Variants in MAN2A1 observed in about 807,000 individuals in gnomAD.
MAN2A1 encodes the protein mannosidase alpha class 2A member 1.
In MAN2A1, 76 loss-of-function variants were observed where a neutral mutation model predicts 142.6. That is an observed-to-expected ratio of 0.53 (90% CI 0.44 to 0.65). The LOEUF (loss-of-function observed/expected upper bound fraction) is 0.65. Ranked by LOEUF, MAN2A1 falls within the 30% of genes least tolerant of loss-of-function variation. MAN2A1 has a pLI of 0.00. For missense variants in MAN2A1, 1,311 were observed against 1,365.1 expected (o/e 0.96, Z 0.62); for synonymous variants, 559 against 473.2 (o/e 1.18, Z -2.35).
rs2112650570 is a variant in MAN2A1 at position 109,770,353 on chromosome 5, A to T, written c.1010-2A>T. On this transcript the variant is annotated splice_acceptor_variant, in intron 6 of 21. Coordinates refer to ENST00000261483, the MANE Select transcript of MAN2A1 (RefSeq NM_002372.4). LOFTEE classifies it high-confidence loss of function. ...GGTTTGTGTGTTGGCTCTTTATTTTAGATCTGGGATCTGTCACAGATATTT... is the reference window on the plus strand; with the variant it reads ...GGTTTGTGTGTTGGCTCTTTATTTTTGATCTGGGATCTGTCACAGATATTT... 1 of 1,608,854 alleles carries T rather than the reference A, an allele frequency of 6.2e-7. No individual in the cohort carries two copies. The highest frequency in any genetic ancestry group is 1.7e-5 in the Admixed American group (1 of 58,914).
At chr5:109,799,801 A>G (rs1429500083) in intron 12 of MAN2A1, among the ~76,000 whole-genome samples, 1 of 150,158 alleles carries the variant, frequency 6.7e-6, no homozygotes, top group East Asian at 2.0e-4. Flanking sequence ...AAAAATCTCC[A>G]ATCTTGGCCG....
At chr5:109,764,288 G>A (rs1240285821) in intron 5 of MAN2A1, among the ~76,000 whole-genome samples, 2 of 152,056 alleles carry the variant, frequency 1.3e-5, no homozygotes, top group Admixed American at 6.5e-5. Flanking sequence ...ATTGACTGAT[G>A]TTAATTCTTC....
rs561688741 is a variant in MAN2A1, at chr5:109,830,280, T to C, written c.2566+6443T>C. ...TCCTTAGTTTTGCCTCTAAGCAAAC[T>C]AGAGGAGTATGGGTTTGTCCTTTAA... is the stretch of plus-strand genomic sequence containing the variant. On this transcript the variant is annotated intron_variant, in intron 16 of 21. Coordinates refer to ENST00000261483, the MANE Select transcript of MAN2A1 (RefSeq NM_002372.4). 5.9e-5 allele frequency among the ~76,000 whole-genome samples: 9 copies of C among 152,352 alleles called. No homozygotes were observed. The South Asian group carries it at 1.7e-3, about 28-fold the overall frequency.
At chr5:109,801,150 C>T (rs1754018482) in intron 12 of MAN2A1, among the ~76,000 whole-genome samples, 1 of 152,166 alleles carries the variant, frequency 6.6e-6, no homozygotes, top group Non-Finnish European at 1.5e-5. Context: ...AGTTTCAAGG[C>T]AGGTAGTTAG....
chr5:109,842,806 G>GTTTTTTGTTTTTTTTTTTTTTTTTT, intron 17 of MAN2A1, among the ~76,000 whole-genome samples: 1 of 116,184 alleles, frequency 8.6e-6, no homozygotes, highest in African/African-American at 3.3e-5. Flanking sequence ...TACTTATTGG[G>GTTTTTTGTTTTTTTTTTTTTTTTTT]TTTTTTTTTT....
chr5:109,803,159 T>G (rs1754076838), intron 12 of MAN2A1, among the ~76,000 whole-genome samples: 1 of 152,078 alleles, frequency 6.6e-6, no homozygotes, highest in Admixed American at 6.6e-5. Context: ...TAATTTAGTC[T>G]GCTATGATTT....
chr5:109,810,757 C>A (rs774728910), intron 12 of MAN2A1, among the ~76,000 whole-genome samples: 2 of 152,148 alleles, frequency 1.3e-5, no homozygotes, highest in Non-Finnish European at 2.9e-5. Context: ...TTTTTCCTCT[C>A]TTCAGCAGTT....
rs1165100130 is a variant in MAN2A1 at position 109,742,373 on chromosome 5, C to T, written c.707+12860C>T. 2.6e-5 allele frequency among the ~76,000 whole-genome samples: 4 copies of T among 152,146 alleles called. No individual in the cohort carries two copies. In the East Asian group the frequency reaches 7.7e-4, roughly 29 times the overall value. On this transcript the variant is annotated intron_variant, in intron 4 of 21. Coordinates refer to ENST00000261483, the MANE Select transcript of MAN2A1 (RefSeq NM_002372.4). The stretch of plus-strand genomic sequence containing the variant: ...AGTTAGTATAGATTTTTTATCTTCA[C>T]CAAATTGGTGGGTTTCATTGCTTTA...
chr5:109,833,301 T>A (rs1488192371), intron 16 of MAN2A1, among the ~76,000 whole-genome samples: 1 of 151,948 alleles, frequency 6.6e-6, no homozygotes. Context: ...CTCGGCACTT[T>A]GGGAGGCCAA....
intron 8 of MAN2A1, among the ~76,000 whole-genome samples, 195 bp downstream of exon 8, chr5:109,775,160 C>G (rs754816932): frequency 2.6e-5 from 4 of 152,110 alleles, no homozygotes; most frequent in Non-Finnish European, 4.4e-5. Context: ...TGTCCCGTTC[C>G]TAACACTCCT....
intron 1 of MAN2A1, among the ~76,000 whole-genome samples, chr5:109,695,072 TC>T (rs1750775581): frequency 6.6e-6 from 1 of 152,210 alleles, no homozygotes; most frequent in African/African-American, 2.4e-5. Context: ...GAGGATGGTG[TC>T]CTCTAACTCC....
intron 15 of MAN2A1, among the ~76,000 whole-genome samples, chr5:109,822,217 A>G (rs1044830933): frequency 2.0e-5 from 3 of 148,044 alleles, no homozygotes; most frequent in Non-Finnish European, 3.0e-5. Context: ...ACAAACTACA[A>G]CTCATATGAG....
At chr5:109,730,002 A>T (rs2112584668) in intron 4 of MAN2A1, among the ~76,000 whole-genome samples, 1 of 152,264 alleles carries the variant, frequency 6.6e-6, no homozygotes, top group South Asian at 2.1e-4. Context: ...GGGGGAAAAA[A>T]ATCCTATGTT....
chr5:109,690,584 G>A (rs775989848), intron 1 of MAN2A1, 32 bp downstream of exon 1: 9 of 1,559,966 alleles, frequency 5.8e-6, no homozygotes, highest in South Asian at 1.2e-5. Context: ...GCGGGGCTCC[G>A]AGGGGCCAGG....
At chr5:109,814,265 T>C (rs1754395106) in intron 12 of MAN2A1, among the ~76,000 whole-genome samples, 1 of 152,210 alleles carries the variant, frequency 6.6e-6, no homozygotes, top group South Asian at 2.1e-4. Context: ...TATTATGATA[T>C]ACTGAAACCT....
In MAN2A1 at chr5:109,729,366, A is replaced by G. The variant is rs779149225; in HGVS notation, c.560A>G (p.Tyr187Cys). ...GGTTGGTTGAAGACTTTCAATGACT[A>G]CTTTAGAGACAAGACTCAGTATATT... ...DPGWLKTFND[Y>C]FRDKTQYIFN... Residue 187 changes from tyrosine (Y) to cysteine (C), a missense_variant, in exon 4 of 22, where the codon TAC becomes TGC. Transcript: ENST00000261483. 4 of 1,605,216 alleles carry G rather than the reference A, an allele frequency of 2.5e-6. No individual in the cohort carries two copies. Among genetic ancestry groups the G allele is most frequent in the Non-Finnish European group, 3.4e-6 (4 of 1,176,706 alleles).
In MAN2A1 at chr5:109,847,782, G is replaced by T; in HGVS notation, c.2968G>T (p.Val990Phe). 1.3e-6 allele frequency: 2 copies of T among 1,551,360 alleles called. No homozygotes were observed. The highest frequency in any genetic ancestry group is 1.3e-5 in the South Asian group (1 of 79,992). Residue 990 changes from valine (V) to phenylalanine (F), a missense_variant, in exon 19 of 22, where the codon GTT becomes TTT. Val to Phe is a conservative substitution (Grantham distance 50). Around this residue, in one of 3 missense-constraint regions of MAN2A1, gnomAD observed 890 missense variants for 920.5 expected, o/e 0.97. Transcript: ENST00000261483. ...FRILLEKRSAVNTEEEKKSVS... is the reference protein window; with the variant it reads ...FRILLEKRSAFNTEEEKKSVS... ...AATACTACTAGAAAAAAGAAGTGCT[G>T]TTAATACGGTATGAAAAAATAACTA... is the stretch of plus-strand genomic sequence containing the variant.
At chr5:109,693,475 C>G (rs137993588) in intron 1 of MAN2A1, among the ~76,000 whole-genome samples, 137 of 151,842 alleles carry the variant, frequency 9.0e-4, no homozygotes, top group African/African-American at 3.3e-3. Flanking sequence ...CTAAATTGCC[C>G]ATTTAGTTGG....
chr5:109,760,032 A>G (rs181665632), intron 5 of MAN2A1, among the ~76,000 whole-genome samples: 1 of 152,216 alleles, frequency 6.6e-6, no homozygotes, highest in Non-Finnish European at 1.5e-5. Context: ...ACATGTGCAG[A>G]ACATGCAGGT....
Sources: gnomAD v4.1 joint callset for allele counts (sites outside exome capture counted in the v4.1 genomes callset) on GRCh38, gnomAD v4.1.1 for gene constraint, gnomAD v4.1.1 regional missense constraint, MANE v1.5 for transcripts, NCBI Gene and HGNC (gene_info 2026-07-23, HGNC 2026-07-21) for gene names.